Variants in CNKSR2 observed in about 807,000 individuals in gnomAD.
The protein encoded by CNKSR2 is CNK homolog protein 2.
CNKSR2 carries 14 observed loss-of-function variants against 84.4 expected under a neutral mutation model. The observed-to-expected ratio is 0.17, with a 90% CI of 0.11 to 0.26. The LOEUF (loss-of-function observed/expected upper bound fraction) is 0.26, where lower values mean the gene tolerates loss of function less well. Among genes scored for constraint, CNKSR2 ranks in the 10% least tolerant of loss-of-function variants. The pLI, the probability that CNKSR2 is intolerant of heterozygous loss-of-function variation, is 1.00. For synonymous variants in CNKSR2, 275 were observed against 277.9 expected, an observed-to-expected ratio of 0.99 and a Z score of 0.10; for missense variants, 485 against 771.2, an observed-to-expected ratio of 0.63 and a Z score of 4.40.
At chrX:21,510,367 G>A (rs957121034) in intron 8 of CNKSR2, among the ~76,000 whole-genome samples, 1 of 110,305 alleles carries the variant, frequency 9.1e-6, no homozygotes. Flanking sequence ...TAAAAAAAAA[G>A]GTCTGGGTTG....
chrX:21,546,239 G>T (rs963197970), intron 11 of CNKSR2, among the ~76,000 whole-genome samples: 5 of 108,795 alleles, frequency 4.6e-5, no homozygotes, highest in Non-Finnish European at 9.5e-5. Context: ...TGACCTGATG[G>T]AGCTGAAAAA....
At chrX:21,635,737 G>A (rs2092669675) in intron 20 of CNKSR2, among the ~76,000 whole-genome samples, 1 of 110,203 alleles carries the variant, frequency 9.1e-6, no homozygotes, top group Non-Finnish European at 1.9e-5. Context: ...GCAGAAGTAT[G>A]TAAGGGCAAA....
At chrX:21,527,981 T>A (rs1163590243) in intron 10 of CNKSR2, among the ~76,000 whole-genome samples, 2 of 111,064 alleles carry the variant, frequency 1.8e-5, no homozygotes, top group Non-Finnish European at 1.9e-5. Flanking sequence ...AAATGCTGCA[T>A]GGCAATATGG....
chrX:21,516,689 A>C, intron 9 of CNKSR2, 58 bp downstream of exon 9: 1 of 1,054,351 alleles, frequency 9.5e-7, no homozygotes. Flanking sequence ...TTATCTCAGT[A>C]ATGCTTCTTT....
intron 1 of CNKSR2, among the ~76,000 whole-genome samples, chrX:21,399,503 T>C (rs1277484631): frequency 8.9e-6 from 1 of 111,967 alleles, no homozygotes; most frequent in Non-Finnish European, 1.9e-5. Flanking sequence ...AATATTTTTA[T>C]TTGTATGTGA....
At chrX:21,437,920 T>C (rs2090730919) in intron 3 of CNKSR2, among the ~76,000 whole-genome samples, 1 of 111,637 alleles carries the variant, frequency 9.0e-6, no homozygotes, top group African/African-American at 3.3e-5. Context: ...AGGTTAATTT[T>C]TTTTAACTGA....
intron 1 of CNKSR2, among the ~76,000 whole-genome samples, chrX:21,417,325 G>A (rs1212163130): frequency 8.9e-6 from 1 of 111,837 alleles, no homozygotes; most frequent in Non-Finnish European, 1.9e-5. Context: ...GGCTTGTTTT[G>A]TAACCTAACA....
chrX:21,467,655 A>G (rs914241142), intron 4 of CNKSR2, among the ~76,000 whole-genome samples: 3 of 110,068 alleles, frequency 2.7e-5, no homozygotes, highest in African/African-American at 1.0e-4. Flanking sequence ...TTATTTTACA[A>G]TCATTTAGTT....
chrX:21,397,967 C>T (rs925973070), intron 1 of CNKSR2, among the ~76,000 whole-genome samples: 6 of 111,545 alleles, frequency 5.4e-5, no homozygotes, highest in Admixed American at 9.5e-5. Flanking sequence ...TGATGTCCTC[C>T]TTTTGTACCT....
chrX:21,399,850 G>C (rs935954946), intron 1 of CNKSR2, among the ~76,000 whole-genome samples: 2 of 111,635 alleles, frequency 1.8e-5, no homozygotes, highest in South Asian at 3.7e-4. Flanking sequence ...TTTATTGGCT[G>C]TATGAATTTT....
rs1283537196 is a variant in CNKSR2, at chrX:21,561,639, A to C, written c.1393+79A>C. On this transcript the variant is annotated intron_variant, in intron 12 of 21. Coordinates refer to ENST00000379510, the MANE Select transcript of CNKSR2 (RefSeq NM_014927.5). ...TTAAATGTTCTGTAAATAGATTGTT[A>C]TGGCTTCAGTGGAAAACTTATTCTA... is the stretch of plus-strand genomic sequence containing the variant. The C allele has an allele frequency of 2.6e-5, 19 of 719,648 alleles. No homozygotes were observed. The South Asian group carries it at 4.1e-4, about 16-fold the overall frequency. The allele number at this position is 719,648 out of a possible 1,213,427, so 59.3% of individuals were successfully genotyped here.
At chrX:21,586,602 C>G (rs1177159585) in intron 13 of CNKSR2, among the ~76,000 whole-genome samples, 1 of 111,539 alleles carries the variant, frequency 9.0e-6, no homozygotes, top group Non-Finnish European at 1.9e-5. Context: ...AGGCAATAAA[C>G]TAAACAATGA....
chrX:21,645,736 G>A (rs1410300681), intron 20 of CNKSR2: 2 of 111,279 alleles, frequency 1.8e-5, no homozygotes, highest in Non-Finnish European at 3.8e-5. Context: ...AAAAAAGAGA[G>A]AAGCCTGAAG....
In CNKSR2 at chrX:21,398,390, T is replaced by C. The variant is rs147967777; in HGVS notation, c.64+23429T>C. Reference sequence around the variant, plus strand: ...GTCATTGTATGATTTTTATTCTACATATTTCTCTAATGGTACTTGCTATCT... The same window carrying C: ...GTCATTGTATGATTTTTATTCTACACATTTCTCTAATGGTACTTGCTATCT... On this transcript the variant is annotated intron_variant, in intron 1 of 21. Coordinates refer to ENST00000379510, the MANE Select transcript of CNKSR2 (RefSeq NM_014927.5). Among the ~76,000 whole-genome samples the C allele has an allele frequency of 4.7e-3, 533 of 112,392 alleles. 3 individuals are homozygous for C. The highest frequency in any genetic ancestry group is 0.016 in the African/African-American group (511 of 31,018).
intron 6 of CNKSR2, chrX:21,493,858 AAGC>A (rs1198643627): frequency 8.9e-6 from 1 of 111,901 alleles, no homozygotes; most frequent in Non-Finnish European, 1.9e-5. Context: ...TGATTATTAA[AAGC>A]AGTTACAACA....
chrX:21,595,455 G>T, intron 17 of CNKSR2, 60 bp downstream of exon 17: 2 of 661,656 alleles, frequency 3.0e-6, no homozygotes, highest in South Asian at 5.9e-5. Context: ...ATTTTCTACA[G>T]TAATTCTTAG....
Position 21,480,590 on chromosome X carries a change from T to C in CNKSR2, c.561+9783T>C, listed in dbSNP as rs182643799. Among the ~76,000 whole-genome samples the C allele has an allele frequency of 3.0e-4, 34 of 111,618 alleles. No homozygotes were observed. The Admixed American group carries it at 3.1e-3, about 10-fold the overall frequency. On this transcript the variant is annotated intron_variant, in intron 5 of 21. Coordinates refer to ENST00000379510, the MANE Select transcript of CNKSR2 (RefSeq NM_014927.5). ...CTATGAAACAGCAGATAAATAGAAT[T>C]GAGATTTTCCCAGATCCAATTCTGG...
intron 6 of CNKSR2, chrX:21,495,252 C>T (rs1374740637): frequency 9.0e-6 from 1 of 111,518 alleles, no homozygotes; most frequent in Non-Finnish European, 1.9e-5. Flanking sequence ...GCAGACTCCC[C>T]AGCCTCTCTG....
chrX:21,387,719 T>A (rs2089989523), intron 1 of CNKSR2, among the ~76,000 whole-genome samples: 1 of 111,114 alleles, frequency 9.0e-6, no homozygotes, highest in Non-Finnish European at 1.9e-5. Flanking sequence ...ATAACAGATG[T>A]TATGTAATAT....
Sources: allele counts gnomAD v4.1 joint callset (sites outside exome capture counted in the v4.1 genomes callset), GRCh38; gene constraint gnomAD v4.1.1; transcripts MANE v1.5; gene names NCBI Gene and HGNC (gene_info 2026-07-23, HGNC 2026-07-21).